The following LAMA2 variants were observed in gnomAD, a reference collection of about 807,000 sequenced individuals.
LAMA2 encodes the protein laminin subunit alpha-2.
A neutral mutation model predicts 364.8 loss-of-function variants in LAMA2; 269 were observed. That is an observed-to-expected ratio of 0.74 (90% CI 0.67 to 0.82). LAMA2 has a LOEUF of 0.82. Ranked by LOEUF, LAMA2 falls within the 40% of genes least tolerant of loss-of-function variation. The pLI is 0.00. For missense variants in LAMA2, 3,807 were observed against 3,873.2 expected (o/e 0.98, Z 0.45); for synonymous variants, 1,379 against 1,370.6 (o/e 1.01, Z -0.14).
At chr6:129,044,573 A>G (rs1787339223) in intron 1 of LAMA2, among the ~76,000 whole-genome samples, 1 of 151,220 alleles carries the variant, frequency 6.6e-6, no homozygotes, top group Non-Finnish European at 1.5e-5. Context: ...ATATATATAC[A>G]CTATAGAACA....
At chr6:129,022,232 A>G (rs2114716296) in intron 1 of LAMA2, among the ~76,000 whole-genome samples, 1 of 152,250 alleles carries the variant, frequency 6.6e-6, no homozygotes. Context: ...AAAAGAAAGC[A>G]ATCTTTCAAG....
chr6:129,503,310 C>A (rs1282817965), intron 60 of LAMA2, 30 bp downstream of exon 60: 2 of 1,594,956 alleles, frequency 1.3e-6, no homozygotes, highest in Non-Finnish European at 8.6e-7. Context: ...TGGCAGTACC[C>A]TAAGGGAATT....
chr6:129,149,811 C>T (rs1387283350), intron 7 of LAMA2, among the ~76,000 whole-genome samples: 1 of 152,048 alleles, frequency 6.6e-6, no homozygotes, highest in East Asian at 1.9e-4. Flanking sequence ...ATTTCCTAAG[C>T]AATATAACAA....
At chr6:129,444,231 C>A (rs1242961002) in intron 44 of LAMA2, among the ~76,000 whole-genome samples, 2 of 152,102 alleles carry the variant, frequency 1.3e-5, no homozygotes, top group African/African-American at 4.8e-5. Flanking sequence ...AAACATTTGG[C>A]AAAAACTTCT....
At chr6:129,325,365 G>T (rs1166507027) in intron 28 of LAMA2, among the ~76,000 whole-genome samples, 1 of 152,004 alleles carries the variant, frequency 6.6e-6, no homozygotes, top group Non-Finnish European at 1.5e-5. Flanking sequence ...AAGGATTTTA[G>T]ATGGGACTCA....
chr6:129,251,072 C>CTA (rs1786187013), intron 13 of LAMA2, among the ~76,000 whole-genome samples: 58 of 65,050 alleles, frequency 8.9e-4, no homozygotes, highest in African/African-American at 1.8e-3. Flanking sequence ...CTCTCTCTCT[C>CTA]TCTCTATATA....
At chr6:129,253,415 G>T (rs1786406282) in intron 14 of LAMA2, among the ~76,000 whole-genome samples, 1 of 152,130 alleles carries the variant, frequency 6.6e-6, no homozygotes, top group Admixed American at 6.5e-5. Flanking sequence ...GCCTTTCACT[G>T]GTAATATTTC....
At chr6:129,301,508 A>G (rs1773547345) in intron 22 of LAMA2, among the ~76,000 whole-genome samples, 1 of 152,102 alleles carries the variant, frequency 6.6e-6, no homozygotes, top group Non-Finnish European at 1.5e-5. Context: ...TACATTTTAG[A>G]ACTCAGGCTG....
At chr6:129,439,656 G>A (rs1018811273) in intron 42 of LAMA2, among the ~76,000 whole-genome samples, 2 of 151,788 alleles carry the variant, frequency 1.3e-5, no homozygotes, top group South Asian at 2.1e-4. Flanking sequence ...GAAAGCACAC[G>A]TTATTTTAAA....
At position 129,312,225 on chromosome 6, in the gene LAMA2, G is replaced by A. The variant is rs545946035; in HGVS notation, c.3175-636G>A. 1.9e-3 allele frequency among the ~76,000 whole-genome samples: 287 copies of A among 151,398 alleles called. 1 individual carries two copies. Among genetic ancestry groups the A allele is most frequent in the African/African-American group, 6.6e-3 (273 of 41,266 alleles). On this transcript the variant is annotated intron_variant, in intron 22 of 64. Transcript: ENST00000421865. ...GAATTATGTAAATAAAGAGAAAATC[G>A]TGTATACATCTTGGGCGAAGAAAAA... is the stretch of plus-strand genomic sequence containing the variant.
chr6:128,930,012 G>T (rs1779359102), intron 1 of LAMA2: 1 of 512,278 alleles, frequency 2.0e-6, no homozygotes, highest in Non-Finnish European at 3.5e-6. Flanking sequence ...CACGCTGCCA[G>T]CCTCGGCGTT....
intron 1 of LAMA2, among the ~76,000 whole-genome samples, chr6:129,040,362 T>G (rs1232216980): frequency 6.6e-6 from 1 of 152,180 alleles, no homozygotes; most frequent in Non-Finnish European, 1.5e-5. Context: ...GGCTCATGCC[T>G]GTAATCTCAA....
At chr6:129,082,107 A>G (rs1270377697) in intron 3 of LAMA2, among the ~76,000 whole-genome samples, 2 of 152,156 alleles carry the variant, frequency 1.3e-5, no homozygotes, top group Non-Finnish European at 2.9e-5. Context: ...TAGAAATTAT[A>G]TATTATCCTA....
intron 58 of LAMA2, among the ~76,000 whole-genome samples, chr6:129,496,891 C>A (rs889828680): frequency 6.6e-6 from 1 of 152,084 alleles, no homozygotes; most frequent in Non-Finnish European, 1.5e-5. Flanking sequence ...ATAATATCTT[C>A]CTTCTAGGAT....
intron 1 of LAMA2, among the ~76,000 whole-genome samples, chr6:128,908,381 G>T (rs2114443693): frequency 6.6e-6 from 1 of 150,948 alleles, no homozygotes; most frequent in Admixed American, 6.6e-5. Flanking sequence ...TATGTGTCGA[G>T]GAATTTATCC....
intron 28 of LAMA2, among the ~76,000 whole-genome samples, chr6:129,322,284 TAAGCAC>T (rs1775011718): frequency 6.6e-6 from 1 of 152,224 alleles, no homozygotes; most frequent in Non-Finnish European, 1.5e-5. Flanking sequence ...CTTATACTGG[TAAGCAC>T]TGCTTATACA....
chr6:128,987,377 G>A (rs965061929), intron 1 of LAMA2, among the ~76,000 whole-genome samples: 1 of 151,940 alleles, frequency 6.6e-6, no homozygotes, highest in African/African-American at 2.4e-5. Flanking sequence ...TCCTGACCTT[G>A]GGATCCAACC....
At chr6:129,194,895 T>C (rs1781747614) in intron 12 of LAMA2, among the ~76,000 whole-genome samples, 1 of 152,208 alleles carries the variant, frequency 6.6e-6, no homozygotes, top group South Asian at 2.1e-4. Context: ...TGGAAAATTG[T>C]AGGGCCTTGT....
At chr6:129,037,947 T>TA (rs1415697513) in intron 1 of LAMA2, among the ~76,000 whole-genome samples, 4 of 152,160 alleles carry the variant, frequency 2.6e-5, no homozygotes, top group Admixed American at 1.3e-4. Flanking sequence ...GTTTAATATT[T>TA]AAGCTGATAA....
Sources: allele counts gnomAD v4.1 joint callset (sites outside exome capture counted in the v4.1 genomes callset), GRCh38; gene constraint gnomAD v4.1.1; transcripts MANE v1.5; gene names NCBI Gene and HGNC (gene_info 2026-07-23, HGNC 2026-07-21).